MAPRE3: variants seen among roughly 807,000 people sequenced by gnomAD.
MAPRE3 encodes microtubule-associated protein RP/EB family member 3.
MAPRE3 carries 2 observed loss-of-function variants against 30.5 expected under a neutral mutation model. The observed-to-expected ratio is 0.07, with a 90% CI of 0.03 to 0.21. The LOEUF (loss-of-function observed/expected upper bound fraction) is 0.21. Ranked by LOEUF, MAPRE3 falls within the 10% of genes least tolerant of loss-of-function variation. The pLI, the probability that MAPRE3 is intolerant of heterozygous loss-of-function variation, is 1.00. For synonymous variants in MAPRE3, 110 were observed against 127.7 expected, an observed-to-expected ratio of 0.86 and a Z score of 0.93; for missense variants, 204 against 351.8, an observed-to-expected ratio of 0.58 and a Z score of 3.36.
intron 1 of MAPRE3, among the ~76,000 whole-genome samples, chr2:27,005,523 C>T (rs1666705561): frequency 6.6e-6 from 1 of 152,208 alleles, no homozygotes. Context: ...CCCTACTTTC[C>T]AGGCCTTCTG....
Position 27,022,452 on chromosome 2 carries a change from T to C in MAPRE3, c.121+113T>C, listed in dbSNP as rs898162943. ...CAGTCATGCATGGCTGAATGACTGA[T>C]GTGGCCAGAGAAATGCATCCTTAGG... is the stretch of plus-strand genomic sequence containing the variant. On this transcript the variant is annotated intron_variant, in intron 2 of 6. Transcript: ENST00000233121. 82 of 1,359,608 alleles carry C rather than the reference T, an allele frequency of 6.0e-5. 1 individual carries two copies. Among genetic ancestry groups the C allele is most frequent in the Non-Finnish European group, 8.0e-5 (79 of 988,704 alleles). 84.2% of individuals were successfully genotyped at this position (1,359,608 alleles called of 1,614,324 possible). A position where few individuals can be genotyped will look rare whatever the true frequency, so the allele number is the denominator to read the frequency against.
intron 1 of MAPRE3, among the ~76,000 whole-genome samples, chr2:26,975,971 G>A (rs563076487): frequency 6.6e-6 from 1 of 151,968 alleles, no homozygotes; most frequent in African/African-American, 2.4e-5. Context: ...CTTGAGAATA[G>A]TCCCCTCCAT....
chr2:26,970,932 C>T (rs1420444009), intron 1 of MAPRE3, 130 bp downstream of exon 1: 7 of 150,994 alleles, frequency 4.6e-5, no homozygotes, highest in Admixed American at 2.6e-4. Context: ...CCCGACCGCG[C>T]CTTCCCCGCG....
intron 3 of MAPRE3, 46 bp from the exon 4 acceptor site, chr2:27,024,050 A>ACAG: frequency 6.7e-7 from 1 of 1,497,734 alleles, no homozygotes; most frequent in Non-Finnish European, 9.3e-7. Flanking sequence ...AGGCGGTCCT[A>ACAG]CAGCAGCAGG....
intron 3 of MAPRE3, chr2:27,023,711 C>T (rs1450856289): frequency 1.8e-6 from 1 of 550,916 alleles, no homozygotes; most frequent in African/African-American, 1.9e-5. Context: ...CTGGACCCTG[C>T]CCACCCCAAC....
chr2:26,986,738 T>A lies in MAPRE3; in HGVS notation c.-8+15936T>A, dbSNP rs116111942. 0.022 allele frequency: 3,324 copies of A among 152,374 alleles called. 148 individuals carry two copies. The highest frequency in any genetic ancestry group is 0.077 in the African/African-American group (3,190 of 41,522). 9.4% of individuals were successfully genotyped at this position (152,374 alleles called of 1,614,324 possible). ...TAAGGGTATTCCGTGCAGCCATCAA[T>A]CATAGCACTGGTGCCTGTGGAGACA... is the stretch of plus-strand genomic sequence containing the variant. On this transcript the variant is annotated intron_variant, in intron 1 of 6. Coordinates refer to ENST00000233121, the MANE Select transcript of MAPRE3 (RefSeq NM_012326.4). The surrounding 1 kb of genome is among the most constrained non-coding windows in gnomAD (Gnocchi z 4.2).
chr2:26,990,915 C>T (rs1044845127), intron 1 of MAPRE3, among the ~76,000 whole-genome samples: 1 of 152,148 alleles, frequency 6.6e-6, no homozygotes, highest in Non-Finnish European at 1.5e-5. Flanking sequence ...CACCAGTGCC[C>T]AGCATTTCCC....
At chr2:26,978,455 G>A (rs867839643) in intron 1 of MAPRE3, among the ~76,000 whole-genome samples, 37 of 151,934 alleles carry the variant, frequency 2.4e-4, no homozygotes, top group African/African-American at 8.0e-4. Context: ...CCGCTTCCCT[G>A]AAGGTTATTG....
intron 1 of MAPRE3, among the ~76,000 whole-genome samples, chr2:26,994,202 A>G (rs1666406907): frequency 1.3e-5 from 2 of 152,202 alleles, no homozygotes; most frequent in African/African-American, 2.4e-5. Context: ...TCTTGAGGTC[A>G]CCAAGCCCTG....
rs535456601 is a variant in MAPRE3, at chr2:27,022,371, G to A, written c.121+32G>A. On this transcript the variant is annotated intron_variant, in intron 2 of 6. Coordinates refer to ENST00000233121, the MANE Select transcript of MAPRE3 (RefSeq NM_012326.4). Reference sequence around the variant, plus strand: ...GGCTGGGAATATGGGAAGTGGCCCTGCTGGAAGGAAAGGAAAGAAAGGTCG... The same window carrying A: ...GGCTGGGAATATGGGAAGTGGCCCTACTGGAAGGAAAGGAAAGAAAGGTCG... The A allele has an allele frequency of 1.6e-5, 25 of 1,609,430 alleles. No homozygotes were observed. In the African/African-American group the frequency reaches 2.9e-4, roughly 19 times the overall value.
chr2:27,006,211 A>AAAAACAAAAAC (rs1558381062), intron 1 of MAPRE3, among the ~76,000 whole-genome samples: 1 of 151,682 alleles, frequency 6.6e-6, no homozygotes, highest in Admixed American at 6.6e-5. Flanking sequence ...AAAACAAAAA[A>AAAAACAAAAAC]AAAACAAGTG....
Position 26,985,837 on chromosome 2 carries a change from A to C in MAPRE3, c.-8+15035A>C, listed in dbSNP as rs951709952. ...AGAGGGGTGTTGAGAGAGAAGAGAC[A>C]GTGTGGCCACAGAAGCAGAGATTGG... On this transcript the variant is annotated intron_variant, in intron 1 of 6. Transcript: ENST00000233121. The surrounding 1 kb of genome is among the most constrained non-coding windows in gnomAD (Gnocchi z 4.2). Among the ~76,000 whole-genome samples, 4 of 152,172 alleles carry C rather than the reference A, an allele frequency of 2.6e-5. No individual in the cohort carries two copies. The highest frequency in any genetic ancestry group is 4.4e-5 in the Non-Finnish European group (3 of 68,030).
intron 2 of MAPRE3, chr2:27,022,558 T>G (rs1667131351): frequency 1.8e-6 from 1 of 550,472 alleles, no homozygotes; most frequent in Non-Finnish European, 3.2e-6. Context: ...CTCGGCTATA[T>G]GGTATAGCCT....
intron 3 of MAPRE3, 126 bp from the exon 4 acceptor site, chr2:27,023,970 A>C: frequency 1.5e-6 from 1 of 684,344 alleles, no homozygotes; most frequent in Non-Finnish European, 2.5e-6. Flanking sequence ...GAGGGGGGCA[A>C]GTGGAGAAGG....
intron 1 of MAPRE3, among the ~76,000 whole-genome samples, chr2:27,003,275 A>C (rs1447544175): frequency 6.6e-6 from 1 of 152,198 alleles, no homozygotes; most frequent in Non-Finnish European, 1.5e-5. Flanking sequence ...GTAGGCAGAT[A>C]GTCACGAGTA....
intron 1 of MAPRE3, among the ~76,000 whole-genome samples, chr2:26,982,676 C>T (rs1479303783): frequency 6.6e-6 from 1 of 152,186 alleles, no homozygotes; most frequent in Non-Finnish European, 1.5e-5. Context: ...GAATAATTAG[C>T]CCTTGGCCTA....
chr2:26,996,079 G>A (rs1199916674), intron 1 of MAPRE3, among the ~76,000 whole-genome samples: 3 of 151,644 alleles, frequency 2.0e-5, no homozygotes, highest in Admixed American at 2.0e-4. Flanking sequence ...TTGTTCTTGG[G>A]TACCCATAGA....
At chr2:26,996,918 G>T (rs184450281) in intron 1 of MAPRE3, 1 of 152,142 alleles carries the variant, frequency 6.6e-6, no homozygotes, top group Non-Finnish European at 1.5e-5. Context: ...CTTTCCAGGG[G>T]ATCTTCAAGA....
intron 1 of MAPRE3, among the ~76,000 whole-genome samples, chr2:27,007,325 T>A (rs1242382199): frequency 1.3e-5 from 2 of 152,222 alleles, no homozygotes; most frequent in African/African-American, 4.8e-5. Context: ...CTTGGTTAAG[T>A]TATCCTGTGA....
Sources: gnomAD v4.1 joint callset for allele counts (sites outside exome capture counted in the v4.1 genomes callset) on GRCh38, gnomAD v4.1.1 for gene constraint, Gnocchi (gnomAD v3.1) non-coding constraint, MANE v1.5 for transcripts, NCBI Gene and HGNC (gene_info 2026-07-23, HGNC 2026-07-21) for gene names.